GULP1: variants seen among roughly 807,000 people sequenced by gnomAD.
GULP1 encodes the protein GULP PTB domain containing engulfment adaptor 1.
In GULP1, 19 loss-of-function variants were observed where a neutral mutation model predicts 40.9. The observed-to-expected ratio is 0.46, with a 90% CI of 0.32 to 0.68. The LOEUF (loss-of-function observed/expected upper bound fraction) is 0.68, where lower values mean the gene tolerates loss of function less well. Among genes scored for constraint, GULP1 ranks in the 30% least tolerant of loss-of-function variants. The pLI is 0.03. For missense variants in GULP1, 312 were observed against 362.2 expected (o/e 0.86, Z 1.12); for synonymous variants, 119 against 117.6 (o/e 1.01, Z -0.08).
intron 2 of GULP1, among the ~76,000 whole-genome samples, chr2:188,445,028 A>C (rs1258999361): frequency 6.6e-6 from 1 of 152,164 alleles, no homozygotes; most frequent in African/African-American, 2.4e-5. Context: ...TTTATAATAA[A>C]ATGTAACATT....
At chr2:188,585,239 C>A (rs1702131062) in intron 10 of GULP1, among the ~76,000 whole-genome samples, 1 of 152,154 alleles carries the variant, frequency 6.6e-6, no homozygotes, top group African/African-American at 2.4e-5. Context: ...GGTACAGCCC[C>A]CATAGCTGTT....
At chr2:188,480,648 C>T (rs13411541) in intron 3 of GULP1, among the ~76,000 whole-genome samples, 4,201 of 151,558 alleles carry the variant, frequency 0.028, 210 homozygotes, top group African/African-American at 0.096. Flanking sequence ...TAATCATAGA[C>T]GAAATTTTAG....
At chr2:188,361,518 G>T (rs1159097428) in intron 1 of GULP1, among the ~76,000 whole-genome samples, 1 of 152,076 alleles carries the variant, frequency 6.6e-6, no homozygotes, top group Admixed American at 6.6e-5. Flanking sequence ...GCGTGGAAAT[G>T]ATGTGATATT....
intron 4 of GULP1, among the ~76,000 whole-genome samples, chr2:188,492,112 C>A (rs536858132): frequency 1.3e-5 from 2 of 152,068 alleles, no homozygotes; most frequent in African/African-American, 4.8e-5. Flanking sequence ...CAAAGCAGTA[C>A]AAAGAGGTTG....
At chr2:188,584,925 A>C (rs1012820002) in intron 10 of GULP1, among the ~76,000 whole-genome samples, 7 of 152,180 alleles carry the variant, frequency 4.6e-5, no homozygotes, top group Non-Finnish European at 8.8e-5. Context: ...TCTGGAAGGA[A>C]TATTAAAGTC....
intron 1 of GULP1, among the ~76,000 whole-genome samples, chr2:188,368,087 T>A (rs1307344976): frequency 6.6e-6 from 1 of 152,178 alleles, no homozygotes; most frequent in Non-Finnish European, 1.5e-5. Context: ...TTTGCCTTTC[T>A]CCCAGCTGCA....
At chr2:188,418,966 T>C (rs1454023349) in intron 2 of GULP1, among the ~76,000 whole-genome samples, 1 of 152,238 alleles carries the variant, frequency 6.6e-6, no homozygotes, top group Non-Finnish European at 1.5e-5. Context: ...CTAAGTGGAA[T>C]TATGTAGGAT....
chr2:188,342,530 T>TA (rs2043110075), intron 1 of GULP1, among the ~76,000 whole-genome samples: 1 of 152,190 alleles, frequency 6.6e-6, no homozygotes, highest in African/African-American at 2.4e-5. Context: ...CATTCACAGA[T>TA]ACCGGGGGTT....
At chr2:188,453,974 T>C (rs2059044847) in intron 2 of GULP1, among the ~76,000 whole-genome samples, 1 of 152,184 alleles carries the variant, frequency 6.6e-6, no homozygotes, top group Admixed American at 6.5e-5. Context: ...CTCCATCTGG[T>C]AATGATGCAG....
chr2:188,515,073 G>A (rs1490721261), intron 4 of GULP1, among the ~76,000 whole-genome samples: 1 of 152,158 alleles, frequency 6.6e-6, no homozygotes, highest in Non-Finnish European at 1.5e-5. Context: ...ACTCAAGAGT[G>A]CAGTTGCTGC....
At chr2:188,425,157 G>A (rs1248735707) in intron 2 of GULP1, among the ~76,000 whole-genome samples, 2 of 151,802 alleles carry the variant, frequency 1.3e-5, no homozygotes, top group South Asian at 2.1e-4. Flanking sequence ...ACCTACTACT[G>A]GATTATCTAG....
chr2:188,328,250 T>C (rs1204045700), intron 1 of GULP1, among the ~76,000 whole-genome samples: 1 of 152,168 alleles, frequency 6.6e-6, no homozygotes, highest in Non-Finnish European at 1.5e-5. Flanking sequence ...TTATAGCAAC[T>C]TAATCTCTCT....
At chr2:188,447,891 G>A (rs181539267) in intron 2 of GULP1, among the ~76,000 whole-genome samples, 16 of 152,188 alleles carry the variant, frequency 1.1e-4, no homozygotes, top group Admixed American at 5.9e-4. Flanking sequence ...ATCACTGTAC[G>A]TTTTTTGAGA....
In GULP1 at chr2:188,570,123, G is replaced by T; in HGVS notation, c.609+3G>T. 8.4e-7 allele frequency: 1 copy of T among 1,194,784 alleles called. No homozygotes were observed. The highest frequency in any genetic ancestry group is 1.3e-5 in the South Asian group (1 of 75,128). 74.0% of individuals were successfully genotyped at this position (1,194,784 alleles called of 1,614,324 possible). On this transcript the variant is annotated splice_donor_region_variant and intron_variant, in intron 9 of 11. Coordinates refer to ENST00000409830, the MANE Select transcript of GULP1 (RefSeq NM_016315.4). The stretch of plus-strand genomic sequence containing the variant: ...TAACTCAAGTATCAGCACCTCCAGT[G>T]AGTATATTGAATATCCTTAGAAACA...
At chr2:188,516,160 C>T (rs949159962) in intron 4 of GULP1, among the ~76,000 whole-genome samples, 2 of 152,172 alleles carry the variant, frequency 1.3e-5, no homozygotes, top group African/African-American at 4.8e-5. Flanking sequence ...ATTACTCCCT[C>T]TGTTTTATTT....
intron 1 of GULP1, among the ~76,000 whole-genome samples, chr2:188,363,634 G>A (rs534006127): frequency 6.6e-6 from 1 of 152,224 alleles, no homozygotes; most frequent in African/African-American, 2.4e-5. Flanking sequence ...ATGGAATGAA[G>A]ACGAAGGTAT....
At chr2:188,484,382 G>GTGC (rs2061689014) in intron 4 of GULP1, among the ~76,000 whole-genome samples, 1 of 152,100 alleles carries the variant, frequency 6.6e-6, no homozygotes, top group Non-Finnish European at 1.5e-5. Context: ...TTAAAGAAAG[G>GTGC]TGCTATTTTG....
intron 3 of GULP1, among the ~76,000 whole-genome samples, chr2:188,478,824 A>G (rs2061231763): frequency 6.6e-6 from 1 of 152,098 alleles, no homozygotes; most frequent in Non-Finnish European, 1.5e-5. Flanking sequence ...GTCCAGAACT[A>G]TGACTAGTGT....
At chr2:188,481,376 A>G (rs1327300995) in intron 3 of GULP1, among the ~76,000 whole-genome samples, 1 of 151,978 alleles carries the variant, frequency 6.6e-6, no homozygotes, top group Admixed American at 6.6e-5. Flanking sequence ...GGATGACAGT[A>G]AGAACTCATT....
Sources: gnomAD v4.1 joint callset for allele counts (sites outside exome capture counted in the v4.1 genomes callset) on GRCh38, gnomAD v4.1.1 for gene constraint, MANE v1.5 for transcripts, NCBI Gene and HGNC (gene_info 2026-07-23, HGNC 2026-07-21) for gene names.